Variants in GPR149 observed in about 807,000 individuals in gnomAD.
The protein encoded by GPR149 is G protein-coupled receptor 149, also known as probable G protein-coupled receptor 149.
GPR149 carries 50 observed loss-of-function variants against 50.2 expected under a neutral mutation model. That is an observed-to-expected ratio of 1.00 (90% CI 0.79 to 1.26). GPR149 has a LOEUF of 1.26. Ranked by LOEUF, GPR149 falls within the 50% of genes most tolerant of loss-of-function variation. The pLI is 0.00. For missense variants in GPR149, 983 were observed against 895.4 expected (o/e 1.10, Z -1.25); for synonymous variants, 405 against 358.2 (o/e 1.13, Z -1.48).
intron 3 of GPR149, among the ~76,000 whole-genome samples, chr3:154,378,110 G>T (rs1714836377): frequency 7.8e-6 from 1 of 127,850 alleles, no homozygotes; most frequent in Non-Finnish European, 1.6e-5. Flanking sequence ...TTGAGATGGA[G>T]TCCCCTCTGC....
chr3:154,382,418 C>T (rs2108407264), intron 3 of GPR149, among the ~76,000 whole-genome samples: 1 of 152,262 alleles, frequency 6.6e-6, no homozygotes, highest in Non-Finnish European at 1.5e-5. Context: ...AGGAAGGCTG[C>T]TGGTAAGTAT....
chr3:154,416,061 G>C (rs1711978551), intron 3 of GPR149, among the ~76,000 whole-genome samples: 1 of 151,756 alleles, frequency 6.6e-6, no homozygotes, highest in Admixed American at 6.6e-5. Flanking sequence ...TAATATAACA[G>C]AAAACAGCAA....
chr3:154,395,835 A>G (rs1213854256), intron 3 of GPR149, among the ~76,000 whole-genome samples: 1 of 152,174 alleles, frequency 6.6e-6, no homozygotes, highest in African/African-American at 2.4e-5. Context: ...ACCAAATGTG[A>G]TTTCTTTATA....
At chr3:154,406,159 T>C (rs1288375179) in intron 3 of GPR149, among the ~76,000 whole-genome samples, 1 of 152,090 alleles carries the variant, frequency 6.6e-6, no homozygotes, top group East Asian at 1.9e-4. Context: ...CTTAAATATA[T>C]AAAAACTATT....
At chr3:154,378,411 A>ACTTGAGT (rs1280080685) in intron 3 of GPR149, among the ~76,000 whole-genome samples, 27 of 152,044 alleles carry the variant, frequency 1.8e-4, no homozygotes, top group African/African-American at 6.3e-4. Flanking sequence ...CACATTTTTA[A>ACTTGAGT]TCCATTCTCT....
At chr3:154,422,453 T>C (rs1712173861) in intron 2 of GPR149, among the ~76,000 whole-genome samples, 1 of 151,728 alleles carries the variant, frequency 6.6e-6, no homozygotes, top group South Asian at 2.1e-4. Flanking sequence ...TTCAAACATA[T>C]TTTCTACTTT....
At chr3:154,375,449 T>A (rs1046680807) in intron 3 of GPR149, among the ~76,000 whole-genome samples, 5 of 152,170 alleles carry the variant, frequency 3.3e-5, no homozygotes, top group African/African-American at 1.2e-4. Context: ...TTTGTCAAAT[T>A]GAAGCTAAAA....
chr3:154,353,416 C>T (rs2108390659), intron 3 of GPR149: 3 of 1,072,606 alleles, frequency 2.8e-6, no homozygotes, highest in East Asian at 2.4e-5. Flanking sequence ...TTGTGAATCA[C>T]ATCTTCAACT....
intron 3 of GPR149, among the ~76,000 whole-genome samples, chr3:154,360,842 C>T (rs1320899769): frequency 2.0e-5 from 3 of 152,050 alleles, no homozygotes; most frequent in Non-Finnish European, 4.4e-5. Flanking sequence ...TTGAATTTTA[C>T]AAATAATGAG....
At chr3:154,417,817 G>C (rs889157217) in intron 3 of GPR149, among the ~76,000 whole-genome samples, 18 of 152,156 alleles carry the variant, frequency 1.2e-4, no homozygotes, top group South Asian at 6.2e-4. Context: ...GAAGAAAAGG[G>C]TAAGAATTAA....
rs778724548 is a variant in GPR149, at chr3:154,429,463, G to A, written c.153C>T (p.Ser51=). Residue 51 remains serine, a synonymous_variant, in exon 1 of 4, where the codon AGC becomes AGT. Coordinates refer to ENST00000389740, the MANE Select transcript of GPR149 (RefSeq NM_001038705.3). ...CLMTFAALVG[S]IYSLISLLKM... is the part of the protein sequence containing the mutation. The stretch of plus-strand genomic sequence containing the variant: ...TCAGCAGGGAAATTAGTGAATAAAT[G>A]CTGCCCACCAAGGCTGCAAAAGTCA... 4.3e-6 allele frequency: 7 copies of A among 1,614,038 alleles called. No homozygotes were observed. The South Asian group carries it at 7.7e-5, about 18-fold the overall frequency.
intron 3 of GPR149, chr3:154,354,754 G>A (rs186704801): frequency 3.6e-5 from 26 of 725,572 alleles, no homozygotes; most frequent in African/African-American, 3.3e-4. Flanking sequence ...CTCCTCCAAG[G>A]GTGTTTTCAG....
intron 3 of GPR149, among the ~76,000 whole-genome samples, chr3:154,346,116 C>T (rs1440236500): frequency 2.0e-5 from 3 of 152,116 alleles, no homozygotes; most frequent in Non-Finnish European, 4.4e-5. Context: ...ATTTTAATCC[C>T]AATTAAACTC....
intron 3 of GPR149, among the ~76,000 whole-genome samples, chr3:154,415,088 C>T (rs1711950373): frequency 6.6e-6 from 1 of 151,768 alleles, no homozygotes; most frequent in Non-Finnish European, 1.5e-5. Context: ...TATTAGTTCA[C>T]AATAAAAAGT....
At position 154,421,323 on chromosome 3, in the gene GPR149, T is replaced by A; in HGVS notation, c.1339A>T (p.Asn447Tyr). The A allele has an allele frequency of 6.2e-7, 1 of 1,613,412 alleles. No homozygotes were observed. Among genetic ancestry groups the A allele is most frequent in the Non-Finnish European group, 8.5e-7 (1 of 1,179,498 alleles). Residue 447 changes from asparagine to tyrosine, a missense_variant, in exon 3 of 4, where the codon AAC (asparagine) becomes TAC (tyrosine). Transcript: ENST00000389740. ...TTKDPQRDNR[N>Y]IFNAIKVEIS... The stretch of plus-strand genomic sequence containing the variant: ...TCTACTTTTATAGCATTGAAGATGT[T>A]ACGGTTGTCTCTCTGAGGGTCTTTT...
intron 3 of GPR149, among the ~76,000 whole-genome samples, chr3:154,376,980 A>T (rs1714806297): frequency 6.6e-6 from 1 of 152,080 alleles, no homozygotes; most frequent in African/African-American, 2.4e-5. Context: ...AAATGTGTAA[A>T]GTATTTAGAA....
chr3:154,402,675 C>T (rs944831647), intron 3 of GPR149, among the ~76,000 whole-genome samples: 2 of 152,046 alleles, frequency 1.3e-5, no homozygotes, highest in African/African-American at 4.8e-5. Flanking sequence ...TTCCTTTCTT[C>T]CTCAATGTTG....
Position 154,429,255 on chromosome 3 carries a change from A to C in GPR149, c.361T>G (p.Leu121Val), listed in dbSNP as rs1477451691. ...MYLCQGLSSNLKATLLVSYNF... is the reference protein window; with the variant it reads ...MYLCQGLSSNVKATLLVSYNF... ...TAAGAGACTAGGAGAGTCGCCTTCA[A>C]GTTGCTAGAGAGGCCCTGGCATAAA... Residue 121 changes from leucine to valine, a missense_variant, in exon 1 of 4, where the codon TTG (leucine) becomes GTG (valine). Leu to Val is a conservative substitution (Grantham distance 32). Transcript: ENST00000389740. 6.2e-7 allele frequency: 1 copy of C among 1,614,196 alleles called. No individual in the cohort carries two copies.
chr3:154,343,811 TA>T, intron 3 of GPR149, among the ~76,000 whole-genome samples: 1 of 152,068 alleles, frequency 6.6e-6, no homozygotes, highest in East Asian at 1.9e-4. Context: ...ACCCTGTCTC[TA>T]AAAAAATTCT....
Sources: allele counts gnomAD v4.1 joint callset (sites outside exome capture counted in the v4.1 genomes callset), GRCh38; gene constraint gnomAD v4.1.1; transcripts MANE v1.5; gene names NCBI Gene and HGNC (gene_info 2026-07-23, HGNC 2026-07-21).